ZNF362: variants seen among roughly 807,000 people sequenced by gnomAD.
ZNF362 encodes the protein rotund homolog.
ZNF362 carries 11 observed loss-of-function variants against 42.9 expected under a neutral mutation model. That is an observed-to-expected ratio of 0.26 (90% CI 0.16 to 0.42). The LOEUF is 0.42. Among genes scored for constraint, ZNF362 ranks in the 20% least tolerant of loss-of-function variants. ZNF362 has a pLI of 1.00. For synonymous variants in ZNF362, 255 were observed against 257.3 expected (o/e 0.99, Z 0.09); for missense variants, 362 against 576.2 (o/e 0.63, Z 3.81).
At chr1:33,264,915 A>T (rs1450718181) in intron 1 of ZNF362, among the ~76,000 whole-genome samples, 3 of 152,030 alleles carry the variant, frequency 2.0e-5, no homozygotes, top group African/African-American at 7.2e-5. Context: ...ATGCTTTGTA[A>T]GTGATTAAGC....
the ZNF362 span, among the ~76,000 whole-genome samples, chr1:33,205,931 A>G: frequency 6.6e-6 from 1 of 152,108 alleles, no homozygotes; most frequent in Non-Finnish European, 1.5e-5. Context: ...AAAAATAAAT[A>G]AATAAAAGAT....
At chr1:33,232,258 A>G in the ZNF362 span, among the ~76,000 whole-genome samples, 16 of 152,182 alleles carry the variant, frequency 1.1e-4, no homozygotes, top group Admixed American at 6.5e-4. Context: ...AAAGATGCGT[A>G]AGTGGAAATG....
chr1:33,158,665 A>C, the ZNF362 span, among the ~76,000 whole-genome samples: 2 of 152,198 alleles, frequency 1.3e-5, no homozygotes, highest in African/African-American at 4.8e-5. Flanking sequence ...GTCAATGCCA[A>C]ATTCATGATC....
At chr1:33,158,128 C>T in the ZNF362 span, 2 of 783,200 alleles carry the variant, frequency 2.6e-6, no homozygotes, top group South Asian at 3.2e-5. Flanking sequence ...CTGGAACACA[C>T]TAGGTGCTCA....
intron 2 of ZNF362, among the ~76,000 whole-genome samples, chr1:33,273,097 G>T (rs904423458): frequency 2.0e-5 from 3 of 152,234 alleles, no homozygotes; most frequent in South Asian, 4.1e-4. Context: ...CTGCACAGGG[G>T]ATACCCACCT....
intron 1 of ZNF362, among the ~76,000 whole-genome samples, chr1:33,263,352 A>G (rs12751707): frequency 0.2 from 30,506 of 152,130 alleles, 3,531 homozygotes; most frequent in South Asian, 0.28. Flanking sequence ...AAACTGATGT[A>G]TATAGGTCCC....
At chr1:33,133,077 T>C in the ZNF362 span, among the ~76,000 whole-genome samples, 2 of 152,318 alleles carry the variant, frequency 1.3e-5, no homozygotes, top group Middle Eastern at 6.8e-3. Context: ...TCAGGCCCAG[T>C]GGGTCAGGAG....
At chr1:33,165,998 T>A in the ZNF362 span, 2 of 153,824 alleles carry the variant, frequency 1.3e-5, no homozygotes, top group Admixed American at 1.3e-4. This position sits in a 1 kb window ranked among gnomAD's most constrained non-coding sequence, Gnocchi z 4.0. Context: ...ACCATCTGTA[T>A]TTGCAGCCGC....
At chr1:33,206,967 A>G in the ZNF362 span, among the ~76,000 whole-genome samples, 452 of 152,302 alleles carry the variant, frequency 3.0e-3, no homozygotes, top group African/African-American at 0.011. Flanking sequence ...TTATAAAATT[A>G]TACTTTAAGT....
At chr1:33,223,120 G>A in the ZNF362 span, among the ~76,000 whole-genome samples, 17 of 152,010 alleles carry the variant, frequency 1.1e-4, no homozygotes, top group Admixed American at 3.9e-4. Flanking sequence ...GTGTTGTGGC[G>A]TGTGCCTGTA....
chr1:33,213,862 C>T, the ZNF362 span, among the ~76,000 whole-genome samples: 1 of 151,888 alleles, frequency 6.6e-6, no homozygotes, highest in Non-Finnish European at 1.5e-5. Context: ...CAAAGCAAAC[C>T]AAAACAAAAC....
intron 6 of ZNF362, among the ~76,000 whole-genome samples, chr1:33,290,561 T>C (rs1259298056): frequency 7.2e-5 from 11 of 152,092 alleles, no homozygotes; most frequent in Admixed American, 5.2e-4. Flanking sequence ...GGATTTATAA[T>C]CCTTTGGGTA....
chr1:33,232,428 T>G, the ZNF362 span, among the ~76,000 whole-genome samples: 1 of 152,108 alleles, frequency 6.6e-6, no homozygotes, highest in Non-Finnish European at 1.5e-5. Context: ...CAGGCTAATT[T>G]TTTTTTGTAT....
chr1:33,271,430 C>A (rs554733733), intron 2 of ZNF362, among the ~76,000 whole-genome samples: 1 of 152,368 alleles, frequency 6.6e-6, no homozygotes, highest in Admixed American at 6.5e-5. Context: ...CCTCTCCAGG[C>A]TGGGTCAGGT....
At chr1:33,199,323 A>ATT in the ZNF362 span, among the ~76,000 whole-genome samples, 1 of 151,914 alleles carries the variant, frequency 6.6e-6, no homozygotes, top group African/African-American at 2.4e-5. Flanking sequence ...ATGACAGTAG[A>ATT]TTTTTTTTTA....
At chr1:33,290,109 T>G (rs1420840843) in intron 6 of ZNF362, among the ~76,000 whole-genome samples, 1 of 152,082 alleles carries the variant, frequency 6.6e-6, no homozygotes, top group Non-Finnish European at 1.5e-5. Context: ...ATTTTTTTAT[T>G]TATACTTAAA....
the ZNF362 span, among the ~76,000 whole-genome samples, chr1:33,203,598 C>T: frequency 6.6e-6 from 1 of 152,132 alleles, no homozygotes; most frequent in Admixed American, 6.5e-5. Flanking sequence ...CAACAGTGTA[C>T]AAGGGTTCCC....
At position 33,280,038 on chromosome 1, in the gene ZNF362, C is replaced by T; in HGVS notation, c.350-86C>T. On this transcript the variant is annotated intron_variant, in intron 4 of 8. Coordinates refer to ENST00000539719, the MANE Select transcript of ZNF362 (RefSeq NM_152493.3). The surrounding 1 kb of genome is among the most constrained non-coding windows in gnomAD (Gnocchi z 5.6). ...CTTATGAACGTTAAGGGGATGCTCGCCTGCCAAAATCACATAGCTGGGTGG... is the reference window on the plus strand; with the variant it reads ...CTTATGAACGTTAAGGGGATGCTCGTCTGCCAAAATCACATAGCTGGGTGG... 6.8e-7 allele frequency: 1 copy of T among 1,463,344 alleles called. No individual in the cohort carries two copies. Among genetic ancestry groups the T allele is most frequent in the Non-Finnish European group, 9.1e-7 (1 of 1,102,898 alleles). The allele number at this position is 1,463,344 out of a possible 1,614,324, so 90.6% of individuals were successfully genotyped here.
the ZNF362 span, chr1:33,164,362 G>A: frequency 1.3e-5 from 2 of 152,250 alleles, no homozygotes; most frequent in African/African-American, 4.8e-5. Context: ...GACAGAGCGG[G>A]GTCAGCCTGA....
Sources: gnomAD v4.1 joint callset for allele counts (sites outside exome capture counted in the v4.1 genomes callset) on GRCh38, gnomAD v4.1.1 for gene constraint, Gnocchi (gnomAD v3.1) non-coding constraint, MANE v1.5 for transcripts, NCBI Gene and HGNC (gene_info 2026-07-23, HGNC 2026-07-21) for gene names.